Variants in TBC1D21 observed in about 807,000 individuals in gnomAD.
The protein encoded by TBC1D21 is TBC1 domain family member 21.
In TBC1D21, 38 loss-of-function variants were observed where a neutral mutation model predicts 46.0. The observed-to-expected ratio is 0.83, with a 90% CI of 0.64 to 1.08. The LOEUF is 1.08. Among genes scored for constraint, TBC1D21 ranks in the 50% least tolerant of loss-of-function variants. The pLI, the probability that TBC1D21 is intolerant of heterozygous loss-of-function variation, is 0.00. For missense variants in TBC1D21, 415 were observed against 417.9 expected (o/e 0.99, Z 0.06); for synonymous variants, 151 against 157.2 (o/e 0.96, Z 0.29).
intron 10 of TBC1D21, 38 bp downstream of exon 10, chr15:73,888,551 C>T: frequency 7.4e-7 from 1 of 1,359,522 alleles, no homozygotes; most frequent in Non-Finnish European, 1.0e-6. Flanking sequence ...TCCTCCTCTT[C>T]CTCCTCCTCC....
At chr15:73,904,483 G>A in the TBC1D21 span, among the ~76,000 whole-genome samples, 1 of 152,196 alleles carries the variant, frequency 6.6e-6, no homozygotes, top group East Asian at 1.9e-4. Context: ...ACAGAAATTG[G>A]CAATTGCTAC....
the TBC1D21 span, among the ~76,000 whole-genome samples, chr15:73,909,056 G>A: frequency 6.6e-6 from 1 of 152,196 alleles, no homozygotes; most frequent in Non-Finnish European, 1.5e-5. Flanking sequence ...GAGTAAGACA[G>A]CTGCAGTCAG....
intron 1 of TBC1D21, among the ~76,000 whole-genome samples, chr15:73,876,182 A>G (rs1405126515): frequency 3.1e-5 from 4 of 131,112 alleles, no homozygotes; most frequent in Non-Finnish European, 4.8e-5. Flanking sequence ...AGGAAGAATC[A>G]GTGACTTTTT....
intron 3 of TBC1D21, 75 bp downstream of exon 3, chr15:73,881,822 C>G: frequency 4.6e-6 from 6 of 1,294,686 alleles, no homozygotes; most frequent in Non-Finnish European, 6.6e-6. Context: ...AGCCTGCAGA[C>G]TATCTTCTGC....
At chr15:73,901,382 C>T in the TBC1D21 span, among the ~76,000 whole-genome samples, 1 of 152,254 alleles carries the variant, frequency 6.6e-6, no homozygotes, top group Non-Finnish European at 1.5e-5. Flanking sequence ...AACTGCCCAC[C>T]TCTGCTCTTC....
intron 3 of TBC1D21, among the ~76,000 whole-genome samples, chr15:73,882,111 G>GC (rs1398006955): frequency 6.6e-6 from 1 of 151,696 alleles, no homozygotes; most frequent in Non-Finnish European, 1.5e-5. Flanking sequence ...CCTCCTCCCT[G>GC]CCCCCCATGG....
At chr15:73,883,069 C>T (rs993764127) in intron 3 of TBC1D21, among the ~76,000 whole-genome samples, 4 of 152,236 alleles carry the variant, frequency 2.6e-5, no homozygotes, top group Admixed American at 6.5e-5. Flanking sequence ...ATCAGAGGAA[C>T]GGACTCCTTT....
the TBC1D21 span, among the ~76,000 whole-genome samples, chr15:73,895,239 C>A: frequency 2.0e-5 from 3 of 152,078 alleles, no homozygotes; most frequent in Admixed American, 2.0e-4. Context: ...TGGTTTGACT[C>A]CTTCCTTCCA....
chr15:73,885,958 G>C, intron 6 of TBC1D21, 120 bp from the exon 7 acceptor site: 1 of 729,940 alleles, frequency 1.4e-6, no homozygotes, highest in South Asian at 1.7e-5. Flanking sequence ...TAGAGACATG[G>C]GCCCAGCGCA....
At position 73,887,611 on chromosome 15, in the gene TBC1D21, GA is replaced by G. The variant is rs1268316932; in HGVS notation, c.778-8del. The G allele has an allele frequency of 3.7e-6, 6 of 1,613,338 alleles. No individual in the cohort carries two copies. Among genetic ancestry groups the G allele is most frequent in the Non-Finnish European group, 5.1e-6 (6 of 1,179,624 alleles). ...CACAGGGCCCAGACTGAGACGTCCTGACCCACAGGTTCTGCTGACGGGGAAG... is the reference window on the plus strand; with the variant it reads ...CACAGGGCCCAGACTGAGACGTCCTGCCCACAGGTTCTGCTGACGGGGAAG... On this transcript the variant is annotated splice_polypyrimidine_tract_variant and splice_region_variant and intron_variant, in intron 8 of 10. Coordinates refer to ENST00000300504, the MANE Select transcript of TBC1D21 (RefSeq NM_153356.3).
chr15:73,902,953 C>T, the TBC1D21 span, among the ~76,000 whole-genome samples: 22 of 152,326 alleles, frequency 1.4e-4, no homozygotes, highest in Admixed American at 1.3e-3. Context: ...CTGCTGCTCC[C>T]GCAGGTCTGC....
Position 73,884,255 on chromosome 15 carries a change from G to A in TBC1D21, c.367+10G>A, listed in dbSNP as rs1315524627. 2 of 1,613,700 alleles carry A rather than the reference G, an allele frequency of 1.2e-6. No homozygotes were observed. The highest frequency in any genetic ancestry group is 4.5e-5 in the East Asian group (2 of 44,880). On this transcript the variant is annotated intron_variant, in intron 4 of 10. Coordinates refer to ENST00000300504, the MANE Select transcript of TBC1D21 (RefSeq NM_153356.3). ...ACTCGCAATAACATTGGTGAGCAAA[G>A]TGGGGTGGAGAGGGCTGGGCAGAGG...
chr15:73,884,101 TATC>T, intron 3 of TBC1D21, 47 bp from the exon 4 acceptor site: 5 of 1,388,240 alleles, frequency 3.6e-6, no homozygotes, highest in Non-Finnish European at 4.9e-6. Context: ...ATTCACCACT[TATC>T]AGAAGGGGAA....
the TBC1D21 span, among the ~76,000 whole-genome samples, chr15:73,894,843 C>T: frequency 6.6e-6 from 1 of 152,308 alleles, no homozygotes; most frequent in South Asian, 2.1e-4. Context: ...TGCCAAGTGC[C>T]ATCAGCCACA....
At chr15:73,886,424 C>G (rs898492324) in intron 7 of TBC1D21, 88 bp from the exon 8 acceptor site, 3 of 1,206,642 alleles carry the variant, frequency 2.5e-6, no homozygotes, top group Non-Finnish European at 3.7e-6. Context: ...AAGTGTTTTG[C>G]AGGCTCTGTA....
chr15:73,892,071 A>G (rs1249796097), downstream of TBC1D21, among the ~76,000 whole-genome samples: 3 of 152,062 alleles, frequency 2.0e-5, no homozygotes, highest in Non-Finnish European at 4.4e-5. Context: ...GCCCATGGCC[A>G]CCCATGGACA....
At position 73,888,470 on chromosome 15, in the gene TBC1D21, T is replaced by A; in HGVS notation, c.935T>A (p.Ile312Asn). 1.2e-6 allele frequency: 2 copies of A among 1,614,098 alleles called. No homozygotes were observed. Among genetic ancestry groups the A allele is most frequent in the Non-Finnish European group, 1.7e-6 (2 of 1,180,008 alleles). The change falls in exon 10 of 11, where the codon ATC (isoleucine) becomes AAC (asparagine). Residue 312 changes from isoleucine (I) to asparagine (N), a missense_variant. By Grantham distance (149) the Ile-to-Asn change is moderately radical (BLOSUM62 -3). Coordinates refer to ENST00000300504, the MANE Select transcript of TBC1D21 (RefSeq NM_153356.3). The part of the protein sequence containing the change: ...NLIDLDADEL[I>N]SAACVVYAEL... ...ATCGACCTTGATGCTGATGAGCTGA[T>A]CTCTGCCGCCTGCGTGGTTTATGCT...
At chr15:73,876,459 G>T in intron 1 of TBC1D21, among the ~76,000 whole-genome samples, 1 of 146,600 alleles carries the variant, frequency 6.8e-6, no homozygotes. Context: ...TGGTCAGGAT[G>T]GTCTCGATCT....
At chr15:73,907,380 T>C in the TBC1D21 span, among the ~76,000 whole-genome samples, 1 of 152,126 alleles carries the variant, frequency 6.6e-6, no homozygotes, top group Non-Finnish European at 1.5e-5. Flanking sequence ...AAAACACAAA[T>C]TTGAGAGGGC....
Sources: gnomAD v4.1 joint callset for allele counts (sites outside exome capture counted in the v4.1 genomes callset) on GRCh38, gnomAD v4.1.1 for gene constraint, MANE v1.5 for transcripts, NCBI Gene and HGNC (gene_info 2026-07-23, HGNC 2026-07-21) for gene names.